RALYL: variants seen among roughly 807,000 people sequenced by gnomAD.
RALYL encodes RALY RNA binding protein like, also known as RNA-binding Raly-like protein.
In RALYL, 29 loss-of-function variants were observed where a neutral mutation model predicts 35.1. The ratio of observed to expected loss-of-function variants is 0.83; its 90% CI spans 0.61 to 1.13. The LOEUF is 1.13. Among genes scored for constraint, RALYL ranks in the 50% most tolerant of loss-of-function variants. The pLI is 0.00. For missense variants in RALYL, 359 were observed against 360.4 expected, an observed-to-expected ratio of 1.00 and a Z score of 0.03; for synonymous variants, 120 against 127.6, an observed-to-expected ratio of 0.94 and a Z score of 0.40.
intron 1 of RALYL, among the ~76,000 whole-genome samples, chr8:84,468,385 T>C (rs2133598593): frequency 1.3e-5 from 2 of 151,890 alleles, no homozygotes; most frequent in Non-Finnish European, 2.9e-5. Context: ...AAGTATTTTA[T>C]TTCTCCTTCA....
chr8:84,371,570 C>CAGAAAGAGAGAG (rs1344392159), intron 1 of RALYL, among the ~76,000 whole-genome samples: 63 of 148,264 alleles, frequency 4.2e-4, no homozygotes, highest in African/African-American at 1.5e-3. Context: ...CACACACACA[C>CAGAAAGAGAGAG]ACAGAAAGAG....
At chr8:84,449,806 G>T (rs1026294803) in intron 1 of RALYL, among the ~76,000 whole-genome samples, 28 of 151,980 alleles carry the variant, frequency 1.8e-4, no homozygotes, top group African/African-American at 6.8e-4. Flanking sequence ...TTCATAATAT[G>T]AGAAGGCACT....
At chr8:84,320,695 T>C (rs990034758) in intron 1 of RALYL, among the ~76,000 whole-genome samples, 1 of 152,132 alleles carries the variant, frequency 6.6e-6, no homozygotes, top group African/African-American at 2.4e-5. Context: ...AATGACCTTC[T>C]TCCTATTTCT....
chr8:84,652,581 ATG>A (rs1304428015), intron 2 of RALYL, among the ~76,000 whole-genome samples: 2 of 152,016 alleles, frequency 1.3e-5, no homozygotes, highest in Non-Finnish European at 2.9e-5. Flanking sequence ...TTTATTAGAC[ATG>A]TGTGTTTTTT....
At chr8:84,905,733 G>A (rs1846382269) in intron 8 of RALYL, among the ~76,000 whole-genome samples, 1 of 140,566 alleles carries the variant, frequency 7.1e-6, no homozygotes, top group African/African-American at 2.7e-5. Flanking sequence ...GTCTTGCTCT[G>A]TCGCCCAGGA....
At chr8:84,741,606 G>A (rs182678044) in intron 2 of RALYL, among the ~76,000 whole-genome samples, 2 of 152,056 alleles carry the variant, frequency 1.3e-5, no homozygotes, top group East Asian at 3.9e-4. Flanking sequence ...TGTAATGACT[G>A]AGCACTTATG....
intron 1 of RALYL, among the ~76,000 whole-genome samples, chr8:84,509,777 T>C (rs966872685): frequency 8.5e-5 from 13 of 152,198 alleles, no homozygotes; most frequent in Admixed American, 2.6e-4. Context: ...AAAGACTATG[T>C]TATGGTCTAT....
intron 1 of RALYL, among the ~76,000 whole-genome samples, chr8:84,203,522 A>G (rs1817389019): frequency 6.6e-6 from 1 of 152,144 alleles, no homozygotes; most frequent in South Asian, 2.1e-4. Flanking sequence ...GTTCTGAAAC[A>G]AGAATTGAGA....
intron 1 of RALYL, among the ~76,000 whole-genome samples, chr8:84,480,563 A>T (rs554464149): frequency 1.1e-3 from 165 of 152,326 alleles, no homozygotes; most frequent in African/African-American, 3.8e-3. Flanking sequence ...GAGAAAACAC[A>T]GAAAAGTAAA....
rs569075001 is a variant in RALYL at position 84,364,205 on chromosome 8, C to A, written c.-23-165094C>A. Among the ~76,000 whole-genome samples, 4 of 152,248 alleles carry A rather than the reference C, an allele frequency of 2.6e-5. No homozygotes were observed. The South Asian group carries it at 6.2e-4, about 24-fold the overall frequency. On this transcript the variant is annotated intron_variant, in intron 1 of 8. Coordinates refer to ENST00000521268, the MANE Select transcript of RALYL (RefSeq NM_173848.7). ...ATGAGAGAAGAGAGGCATCAACCAT[C>A]GCTTCTGACAAAATGAGGGAGGCTG...
chr8:84,588,745 C>G (rs1237708288), intron 2 of RALYL, among the ~76,000 whole-genome samples: 1 of 152,174 alleles, frequency 6.6e-6, no homozygotes, highest in Non-Finnish European at 1.5e-5. Flanking sequence ...ACTGGGAGTA[C>G]CAGAACCACA....
At chr8:84,243,655 AC>A (rs1056723250) in intron 1 of RALYL, among the ~76,000 whole-genome samples, 2 of 151,746 alleles carry the variant, frequency 1.3e-5, no homozygotes, top group African/African-American at 4.8e-5. Flanking sequence ...TCAGTTAATT[AC>A]TCACTTTCCC....
intron 1 of RALYL, among the ~76,000 whole-genome samples, chr8:84,497,263 C>T (rs985737799): frequency 2.0e-5 from 3 of 152,122 alleles, no homozygotes; most frequent in Non-Finnish European, 4.4e-5. Flanking sequence ...TCTGCAAGGT[C>T]TTTTATGAGG....
At chr8:84,401,210 G>A (rs2042851824) in intron 1 of RALYL, among the ~76,000 whole-genome samples, 1 of 151,870 alleles carries the variant, frequency 6.6e-6, no homozygotes, top group Admixed American at 6.6e-5. Context: ...CTACTGAAAT[G>A]TGCTTTCTTT....
chr8:84,860,030 T>C (rs144949033), intron 5 of RALYL, among the ~76,000 whole-genome samples: 25 of 152,276 alleles, frequency 1.6e-4, no homozygotes, highest in Admixed American at 1.6e-3. Flanking sequence ...AGTGAGCAAG[T>C]ATGGCTCTTT....
intron 1 of RALYL, among the ~76,000 whole-genome samples, chr8:84,197,365 A>G (rs1159812746): frequency 6.6e-6 from 1 of 152,160 alleles, no homozygotes; most frequent in Non-Finnish European, 1.5e-5. Context: ...GTTTTCTAAT[A>G]TGGAGTTAAA....
chr8:84,828,669 A>T (rs113378966), intron 4 of RALYL: 236 of 188,160 alleles, frequency 1.3e-3, no homozygotes, highest in African/African-American at 5.4e-3. Context: ...ATTCAAGAGT[A>T]ATCTTATAAC....
rs140373175 is a variant in RALYL at position 84,343,424 on chromosome 8, T to C, written c.-24+159000T>C. Among the ~76,000 whole-genome samples, 1,166 of 152,076 alleles carry C rather than the reference T, an allele frequency of 7.7e-3. 19 individuals are homozygous for C. The highest frequency in any genetic ancestry group is 0.027 in the African/African-American group (1,121 of 41,504). ...TTCTACATAGCTCAGCAAAGAATCA[T>C]CCAAATAATACAAAATTGAAAAACT... On this transcript the variant is annotated intron_variant, in intron 1 of 8. Transcript: ENST00000521268.
chr8:84,232,742 C>A (rs1234293428), intron 1 of RALYL, among the ~76,000 whole-genome samples: 1 of 151,862 alleles, frequency 6.6e-6, no homozygotes, highest in Admixed American at 6.6e-5. Context: ...TGTTGTATAA[C>A]AATTTTATCT....
Sources: allele counts gnomAD v4.1 joint callset (sites outside exome capture counted in the v4.1 genomes callset), GRCh38; gene constraint gnomAD v4.1.1; transcripts MANE v1.5; gene names NCBI Gene and HGNC (gene_info 2026-07-23, HGNC 2026-07-21).